The following MUC22 variants were observed in gnomAD, a reference collection of about 807,000 sequenced individuals.
MUC22 encodes the protein mucin-22.
A neutral mutation model predicts 40.3 loss-of-function variants in MUC22; 24 were observed. That is an observed-to-expected ratio of 0.60 (90% CI 0.43 to 0.84). The LOEUF (loss-of-function observed/expected upper bound fraction) is 0.84. Among genes scored for constraint, MUC22 ranks in the 40% least tolerant of loss-of-function variants. The probability of loss-of-function intolerance (pLI) is 0.00; values close to 1 mark genes in which losing one functional copy is unlikely to be tolerated. For missense variants in MUC22, 1,926 were observed against 2,130.7 expected (o/e 0.90, Z 1.89); for synonymous variants, 765 against 844.5 (o/e 0.91, Z 1.63).
chr6:31,013,086 C>T (rs566694312), intron 1 of MUC22, among the ~76,000 whole-genome samples: 4 of 151,308 alleles, frequency 2.6e-5, no homozygotes, highest in African/African-American at 4.8e-5. Flanking sequence ...CGCATCACTC[C>T]TCAGCCACCA....
Position 31,032,715 on chromosome 6 carries a change from C to A in MUC22, c.5055+134C>A. 3 of 963,578 alleles carry A rather than the reference C, an allele frequency of 3.1e-6. No homozygotes were observed. Among genetic ancestry groups the A allele is most frequent in the Non-Finnish European group, 4.5e-6 (3 of 667,722 alleles). 59.7% of individuals were successfully genotyped at this position (963,578 alleles called of 1,614,324 possible). A position where few individuals can be genotyped will look rare whatever the true frequency, so the allele number is the denominator to read the frequency against. On this transcript the variant is annotated intron_variant, in intron 3 of 3. Transcript: ENST00000561890. This position sits in a 1 kb window ranked among gnomAD's most constrained non-coding sequence, Gnocchi z 4.1. ...CGCTCAGAAGGAAAGAATCACCTAG[C>A]CTGATATAAGGACCAGAGAGAATGC...
intron 1 of MUC22, among the ~76,000 whole-genome samples, chr6:31,024,403 A>G (rs1033479549): frequency 2.4e-5 from 1 of 42,088 alleles, no homozygotes; most frequent in Non-Finnish European, 5.9e-5. Context: ...AGACAGATTC[A>G]GGGAAAAGGG....
exon 2 of MUC22, chr6:31,028,766 G>T: frequency 2.0e-6 from 3 of 1,531,314 alleles, no homozygotes; most frequent in African/African-American, 2.8e-5. Flanking sequence ...TCTACTGAAG[G>T]CTCTGAGACC....
chr6:31,020,460 T>G (rs1764593796), intron 1 of MUC22, among the ~76,000 whole-genome samples: 1 of 145,854 alleles, frequency 6.9e-6, no homozygotes, highest in African/African-American at 2.5e-5. Context: ...TTTTTTTTTT[T>G]GATACGGAGT....
chr6:31,019,489 G>A (rs984746350), intron 1 of MUC22, among the ~76,000 whole-genome samples: 4 of 152,148 alleles, frequency 2.6e-5, no homozygotes, highest in African/African-American at 9.7e-5. Context: ...AGATCATTAG[G>A]TGAGGCAGAG....
At chr6:31,034,236 G>A (rs6933349) in intron 3 of MUC22, among the ~76,000 whole-genome samples, 30,426 of 152,138 alleles carry the variant, frequency 0.2, 3,110 homozygotes, top group Non-Finnish European at 0.21. Flanking sequence ...ATAATCTCAA[G>A]GCTCTGTGTA....
At chr6:31,016,563 G>C (rs1764216249) in intron 1 of MUC22, among the ~76,000 whole-genome samples, 1 of 152,252 alleles carries the variant, frequency 6.6e-6, no homozygotes, top group Non-Finnish European at 1.5e-5. Flanking sequence ...GGTAATGTGG[G>C]TTTTACATTT....
At chr6:31,019,313 C>T (rs1270798809) in intron 1 of MUC22, among the ~76,000 whole-genome samples, 1 of 152,226 alleles carries the variant, frequency 6.6e-6, no homozygotes, top group African/African-American at 2.4e-5. Context: ...TGTATTCATC[C>T]ACTGAAAGGT....
chr6:31,022,330 A>G (rs909734129), intron 1 of MUC22, among the ~76,000 whole-genome samples: 28 of 152,038 alleles, frequency 1.8e-4, no homozygotes, highest in African/African-American at 6.5e-4. Context: ...ATGCCTGGCT[A>G]ATTTTGTATT....
chr6:31,034,538 G>A, intron 3 of MUC22, 134 bp from the exon 4 acceptor site: 1 of 685,548 alleles, frequency 1.5e-6, no homozygotes, highest in Non-Finnish European at 2.4e-6. Context: ...TCATAGTAAG[G>A]ATGGTGGTAA....
At chr6:31,008,622 C>T (rs1763667192), upstream of MUC22, among the ~76,000 whole-genome samples, 1 of 150,388 alleles carries the variant, frequency 6.6e-6, no homozygotes, top group Non-Finnish European at 1.5e-5. Flanking sequence ...GATCTTGGCT[C>T]ACTACAACCT....
In MUC22 at chr6:31,021,577, G is replaced by C. The variant is rs151102388; in HGVS notation, c.71-3925G>C. Among the ~76,000 whole-genome samples the C allele has an allele frequency of 4.0e-4, 55 of 138,188 alleles. 3 individuals are homozygous for C. Among genetic ancestry groups the C allele is most frequent in the Middle Eastern group, 3.8e-3 (1 of 262 alleles). The allele number at this position is 138,188 out of a possible 152,430, so 90.7% of individuals were successfully genotyped here. On this transcript the variant is annotated intron_variant, in intron 1 of 3. Transcript: ENST00000561890. ...GTAAACACACCAATCAGCACCCTGTGTTTAGCTCAAAGTTTGTGAGTGCAC... is the reference window on the plus strand; with the variant it reads ...GTAAACACACCAATCAGCACCCTGTCTTTAGCTCAAAGTTTGTGAGTGCAC...
At chr6:31,021,237 T>C (rs577712335) in intron 1 of MUC22, among the ~76,000 whole-genome samples, 10 of 152,306 alleles carry the variant, frequency 6.6e-5, no homozygotes, top group Admixed American at 5.2e-4. Context: ...GGATTGTAAA[T>C]ACACCAATCA....
At chr6:31,013,517 T>C (rs905417060) in intron 1 of MUC22, among the ~76,000 whole-genome samples, 12 of 152,138 alleles carry the variant, frequency 7.9e-5, no homozygotes, top group African/African-American at 2.7e-4. Flanking sequence ...TTGTATTAGG[T>C]AATGGATGTA....
chr6:31,022,760 A>G (rs1488605768), intron 1 of MUC22, among the ~76,000 whole-genome samples: 19 of 151,872 alleles, frequency 1.3e-4, no homozygotes, highest in Non-Finnish European at 1.0e-4. Context: ...AAAGGTGTAT[A>G]TCGTAAATCC....
At chr6:31,022,904 T>G (rs901448785) in intron 1 of MUC22, among the ~76,000 whole-genome samples, 2 of 151,676 alleles carry the variant, frequency 1.3e-5, no homozygotes, top group African/African-American at 2.4e-5. Flanking sequence ...CTGAGGCAGG[T>G]GGATCACTTG....
At chr6:31,025,019 G>A (rs949667683) in intron 1 of MUC22, among the ~76,000 whole-genome samples, 15 of 150,892 alleles carry the variant, frequency 9.9e-5, no homozygotes, top group South Asian at 2.1e-4. Flanking sequence ...ATAGGCATGC[G>A]CCACCATGCC....
In MUC22 at chr6:31,027,462, A is replaced by G. The variant is rs143155709; in HGVS notation, c.2031A>G (p.Ala677=). The change falls in exon 2 of 4, where the codon GCA becomes GCG. Residue 677 remains alanine, a synonymous_variant. Coordinates refer to ENST00000561890, the Ensembl canonical transcript of MUC22. Reference sequence around the variant, plus strand: ...GTACTGAAGGCTCTGAGATGACTGCAGTCTCCACCACAGTCTTTGAGACCA... The same window carrying G: ...GTACTGAAGGCTCTGAGATGACTGCGGTCTCCACCACAGTCTTTGAGACCA... The G allele has an allele frequency of 7.6e-4, 1,161 of 1,530,146 alleles. 23 individuals are homozygous for G. In the African/African-American group the frequency reaches 0.013, roughly 17 times the overall value. 94.8% of individuals were successfully genotyped at this position (1,530,146 alleles called of 1,614,324 possible).
exon 4 of MUC22, chr6:31,034,739 G>A: frequency 6.5e-7 from 1 of 1,535,720 alleles, no homozygotes; most frequent in Non-Finnish European, 8.7e-7. Flanking sequence ...CACAGCCTTG[G>A]TCTGGACCTG....
Sources: allele counts gnomAD v4.1 joint callset (sites outside exome capture counted in the v4.1 genomes callset), GRCh38; gene constraint gnomAD v4.1.1; non-coding constraint Gnocchi (gnomAD v3.1); transcripts MANE v1.5; gene names NCBI Gene and HGNC (gene_info 2026-07-23, HGNC 2026-07-21).